RPS6KC1: variants seen among roughly 807,000 people sequenced by gnomAD.
RPS6KC1 encodes inactive ribosomal protein S6 kinase delta-1.
RPS6KC1 carries 54 observed loss-of-function variants against 103.8 expected under a neutral mutation model. The observed-to-expected ratio is 0.52, with a 90% CI of 0.42 to 0.65. The LOEUF (loss-of-function observed/expected upper bound fraction) is 0.65, where lower values mean the gene tolerates loss of function less well. Among genes scored for constraint, RPS6KC1 ranks in the 30% least tolerant of loss-of-function variants. The pLI is 0.00. For synonymous variants in RPS6KC1, 439 were observed against 438.7 expected (o/e 1.00, Z -0.01); for missense variants, 1,151 against 1,253.8 (o/e 0.92, Z 1.24).
chr1:213,673,087 C>T, the RPS6KC1 span, among the ~76,000 whole-genome samples: 8 of 152,216 alleles, frequency 5.3e-5, no homozygotes, highest in Non-Finnish European at 1.2e-4. Flanking sequence ...CCTGAAGCTA[C>T]TAAGACCGAA....
chr1:213,135,246 C>A (rs2086145009), intron 6 of RPS6KC1, among the ~76,000 whole-genome samples: 1 of 152,042 alleles, frequency 6.6e-6, no homozygotes, highest in Non-Finnish European at 1.5e-5. Context: ...TTGAACCACT[C>A]TGGAATTCCT....
At chr1:213,699,305 C>T in the RPS6KC1 span, among the ~76,000 whole-genome samples, 2 of 152,108 alleles carry the variant, frequency 1.3e-5, no homozygotes, top group African/African-American at 2.4e-5. Context: ...TAAGTGAGAA[C>T]ATGTGAGGTT....
chr1:213,321,178 CT>C, the RPS6KC1 span, among the ~76,000 whole-genome samples: 1 of 152,330 alleles, frequency 6.6e-6, no homozygotes, highest in East Asian at 1.9e-4. Context: ...TTTTCAGAGC[CT>C]TTCAGAGGGT....
chr1:213,828,006 T>C, the RPS6KC1 span, among the ~76,000 whole-genome samples: 3 of 152,322 alleles, frequency 2.0e-5, no homozygotes, highest in East Asian at 3.9e-4. Flanking sequence ...TCTTTCTCTC[T>C]CTACCTGCTG....
chr1:213,242,317 G>T lies in RPS6KC1; in HGVS notation c.2821+20G>T. The T allele has an allele frequency of 6.2e-7, 1 of 1,611,762 alleles. No individual in the cohort carries two copies. Among genetic ancestry groups the T allele is most frequent in the Non-Finnish European group, 8.5e-7 (1 of 1,178,608 alleles). The stretch of plus-strand genomic sequence containing the variant: ...ATAGAGGTCAGGAACTTTTGCAAAT[G>T]CATTTCTTTTTATTCGCTGTTGCTT... On this transcript the variant is annotated intron_variant, in intron 11 of 14. Transcript: ENST00000366960.
chr1:213,108,389 T>A (rs991545077), intron 4 of RPS6KC1, among the ~76,000 whole-genome samples: 4 of 152,286 alleles, frequency 2.6e-5, no homozygotes, highest in African/African-American at 9.6e-5. Flanking sequence ...GAAAGTAAAT[T>A]GACTGTAATT....
chr1:213,446,443 C>T, the RPS6KC1 span, among the ~76,000 whole-genome samples: 1 of 152,188 alleles, frequency 6.6e-6, no homozygotes, highest in African/African-American at 2.4e-5. Flanking sequence ...CAGCTAGAAT[C>T]TCAGGCAGGA....
chr1:213,195,515 A>G (rs1431052813), intron 8 of RPS6KC1, among the ~76,000 whole-genome samples: 4 of 152,140 alleles, frequency 2.6e-5, no homozygotes, highest in Non-Finnish European at 4.4e-5. Context: ...GGTTCCATGA[A>G]TAAGTTCTTT....
intron 6 of RPS6KC1, among the ~76,000 whole-genome samples, chr1:213,138,503 C>T (rs2086639344): frequency 1.3e-5 from 2 of 152,160 alleles, no homozygotes; most frequent in South Asian, 4.1e-4. Context: ...AGTCCTCACC[C>T]TCCTCCCACC....
rs375919478 is a variant in RPS6KC1, at chr1:213,107,150, C to T, written c.378+2581C>T. Among the ~76,000 whole-genome samples the T allele has an allele frequency of 1.2e-3, 187 of 152,186 alleles. 6 individuals are homozygous for T. The South Asian group carries it at 0.037, about 30-fold the overall frequency. On this transcript the variant is annotated intron_variant, in intron 4 of 14. Transcript: ENST00000366960. ...AGAGACAGGGTTTCACAATGTTGGCCAGGCTGGTTTTGAACTCCTGACCTC... is the reference window on the plus strand; with the variant it reads ...AGAGACAGGGTTTCACAATGTTGGCTAGGCTGGTTTTGAACTCCTGACCTC...
the RPS6KC1 span, among the ~76,000 whole-genome samples, chr1:213,488,056 A>G: frequency 5.3e-5 from 8 of 152,124 alleles, no homozygotes; most frequent in African/African-American, 1.9e-4. Context: ...TCCCTAGACC[A>G]GTTTCTCTCT....
chr1:213,215,143 G>A (rs1366785276), intron 8 of RPS6KC1, among the ~76,000 whole-genome samples: 2 of 152,272 alleles, frequency 1.3e-5, no homozygotes, highest in South Asian at 4.1e-4. Context: ...AAGATTAGAC[G>A]AATGGCTAAC....
chr1:213,602,174 CTTTCTTT>C, the RPS6KC1 span, among the ~76,000 whole-genome samples: 3 of 101,526 alleles, frequency 3.0e-5, no homozygotes, highest in African/African-American at 1.2e-4. Flanking sequence ...TTCTTTCTTT[CTTTCTTT>C]CTTTCTTTTT....
At chr1:213,779,672 C>T in the RPS6KC1 span, among the ~76,000 whole-genome samples, 18 of 152,162 alleles carry the variant, frequency 1.2e-4, no homozygotes, top group East Asian at 9.7e-4. Context: ...GATCTGAATG[C>T]GGATCCAGTG....
chr1:213,316,521 T>C, the RPS6KC1 span, among the ~76,000 whole-genome samples: 66 of 152,322 alleles, frequency 4.3e-4, no homozygotes, highest in Non-Finnish European at 9.0e-4. Flanking sequence ...ACTGAGTGTC[T>C]ATTATGTGCT....
chr1:213,398,594 CTTTA>C, the RPS6KC1 span, among the ~76,000 whole-genome samples: 2 of 152,072 alleles, frequency 1.3e-5, no homozygotes, highest in African/African-American at 4.8e-5. Flanking sequence ...AAAGGACTTC[CTTTA>C]TTTATTTATT....
chr1:213,700,647 G>T, the RPS6KC1 span, among the ~76,000 whole-genome samples: 1 of 152,096 alleles, frequency 6.6e-6, no homozygotes, highest in South Asian at 2.1e-4. Context: ...GCTTTGGGTA[G>T]TATGGACATT....
At chr1:213,276,495 C>T (rs1390396567), downstream of RPS6KC1, among the ~76,000 whole-genome samples, 2 of 152,162 alleles carry the variant, frequency 1.3e-5, no homozygotes, top group Non-Finnish European at 1.5e-5. Flanking sequence ...TCAAATAACA[C>T]TCTCCTGGAC....
the RPS6KC1 span, among the ~76,000 whole-genome samples, chr1:213,759,576 C>T: frequency 6.6e-6 from 1 of 152,222 alleles, no homozygotes. Flanking sequence ...CTTGCTGAAG[C>T]TCACACAGCC....
Sources: allele counts gnomAD v4.1 joint callset (sites outside exome capture counted in the v4.1 genomes callset), GRCh38; gene constraint gnomAD v4.1.1; transcripts MANE v1.5; gene names NCBI Gene and HGNC (gene_info 2026-07-23, HGNC 2026-07-21).